The following CIT variants were observed in gnomAD, a reference collection of about 807,000 sequenced individuals.
The protein encoded by CIT is citron rho-interacting serine/threonine kinase, also known as citron Rho-interacting kinase.
CIT carries 79 observed loss-of-function variants against 272.7 expected under a neutral mutation model. The ratio of observed to expected loss-of-function variants is 0.29; its 90% CI spans 0.24 to 0.35. The LOEUF (loss-of-function observed/expected upper bound fraction) is 0.35, where lower values mean the gene tolerates loss of function less well. Among genes scored for constraint, CIT ranks in the 10% least tolerant of loss-of-function variants. CIT has a pLI of 1.00. For missense variants in CIT, 1,909 were observed against 2,618.3 expected (o/e 0.73, Z 5.91); for synonymous variants, 948 against 995.6 (o/e 0.95, Z 0.90).
intron 23 of CIT, among the ~76,000 whole-genome samples, chr12:119,747,935 A>G (rs1959683269): frequency 6.6e-6 from 1 of 152,172 alleles, no homozygotes; most frequent in African/African-American, 2.4e-5. Context: ...AGACCAAGGC[A>G]GGCGAATTGC....
intron 4 of CIT, among the ~76,000 whole-genome samples, chr12:119,854,608 CT>C (rs1970458503): frequency 6.6e-6 from 1 of 151,926 alleles, no homozygotes; most frequent in South Asian, 2.1e-4. Context: ...GGCCACTGAA[CT>C]CCAGCGGACT....
intron 9 of CIT, among the ~76,000 whole-genome samples, chr12:119,815,423 T>G (rs1219720167): frequency 6.6e-6 from 1 of 152,020 alleles, no homozygotes. Flanking sequence ...ATTACTGAAT[T>G]TGGCCAGGTG....
rs771422425 is a variant in CIT at position 119,760,285 on chromosome 12, CT to C, written c.2421+653del. ...GGTAAACCTTAGGGGCAACAAGTTT[CT>C]GAAACAACTGCCTATGTGGATTAGA... is the stretch of plus-strand genomic sequence containing the variant. On this transcript the variant is annotated intron_variant, in intron 20 of 47. Coordinates refer to ENST00000392521, the MANE Select transcript of CIT (RefSeq NM_001206999.2). 7.9e-4 allele frequency among the ~76,000 whole-genome samples: 119 copies of C among 151,300 alleles called. 1 individual carries two copies. The highest frequency in any genetic ancestry group is 2.4e-4 in the Non-Finnish European group (16 of 67,914).
Position 119,752,227 on chromosome 12 carries a change from C to T in CIT, c.2727G>A (p.Glu909=). The T allele has an allele frequency of 6.2e-7, 1 of 1,608,422 alleles. No homozygotes were observed. The highest frequency in any genetic ancestry group is 1.7e-5 in the Admixed American group (1 of 59,978). ...RLREVSLEHE[E]QKLELKRQLT... Reference sequence around the variant, plus strand: ...GCTGGCGCTTGAGCTCCAGTTTCTGCTCCTCGTGCTCTAGACTGACCTGAG... The same window carrying T: ...GCTGGCGCTTGAGCTCCAGTTTCTGTTCCTCGTGCTCTAGACTGACCTGAG... Residue 909 remains glutamate (E), a synonymous_variant, in exon 23 of 48, where the codon GAG becomes GAA. Transcript: ENST00000392521.
chr12:119,802,597 G>T (rs1760084574), intron 10 of CIT, among the ~76,000 whole-genome samples: 1 of 152,042 alleles, frequency 6.6e-6, no homozygotes, highest in Admixed American at 6.6e-5. Flanking sequence ...CAGTAACGGG[G>T]CTTTCTCTGG....
At chr12:119,782,673 T>C (rs1159445700) in intron 12 of CIT, 36 bp from the exon 13 acceptor site, 1 of 1,610,828 alleles carries the variant, frequency 6.2e-7, no homozygotes, top group Admixed American at 1.7e-5. Context: ...GGATGCCCTG[T>C]GGATCCTGCT....
At chr12:119,782,411 T>C (rs1964381958) in intron 13 of CIT, 107 bp downstream of exon 13, 1 of 1,341,624 alleles carries the variant, frequency 7.5e-7, no homozygotes, top group African/African-American at 1.4e-5. Flanking sequence ...GCCCCCACCC[T>C]TTCTCTCTCT....
Position 119,770,927 on chromosome 12 carries a change from A to C in CIT, c.2083-17T>G. 6.2e-7 allele frequency: 1 copy of C among 1,612,410 alleles called. No individual in the cohort carries two copies. Among genetic ancestry groups the C allele is most frequent in the Non-Finnish European group, 8.5e-7 (1 of 1,179,758 alleles). On this transcript the variant is annotated splice_polypyrimidine_tract_variant and intron_variant, in intron 17 of 47. Transcript: ENST00000392521. This position sits in a 1 kb window ranked among gnomAD's most constrained non-coding sequence, Gnocchi z 4.4. ...GCGGCGTTCCTGTAGATCATGAATC[A>C]ATCAGAGAGTTTTAATGGAGTAACC...
chr12:119,781,272 T>C (rs1964264690), intron 13 of CIT, among the ~76,000 whole-genome samples: 1 of 152,260 alleles, frequency 6.6e-6, no homozygotes, highest in African/African-American at 2.4e-5. Flanking sequence ...TTATTTATAA[T>C]GTTTTTATCA....
In CIT at chr12:119,712,956, G is replaced by T. The variant is rs1442261401; in HGVS notation, c.4579+247C>A. 1.7e-6 allele frequency: 1 copy of T among 582,408 alleles called. No homozygotes were observed. The highest frequency in any genetic ancestry group is 1.9e-5 in the African/African-American group (1 of 53,670). 36.1% of individuals were successfully genotyped at this position (582,408 alleles called of 1,614,324 possible). On this transcript the variant is annotated intron_variant, in intron 35 of 47. Coordinates refer to ENST00000392521, the MANE Select transcript of CIT (RefSeq NM_001206999.2). This position sits in a 1 kb window ranked among gnomAD's most constrained non-coding sequence, Gnocchi z 5.2. ...TATGGGTTAGTTGACTGAGGCAGAA[G>T]TTCTCGGAAGGTGTATTAGCAGGTG...
Position 119,718,226 on chromosome 12 carries a change from C to T in CIT, c.4168+19G>A. On this transcript the variant is annotated intron_variant, in intron 32 of 47. Transcript: ENST00000392521. The surrounding 1 kb of genome is among the most constrained non-coding windows in gnomAD (Gnocchi z 4.8). ...TGTCTTAGTCGACTAAAAGAAATTT[C>T]CATACAACTCCAACGTACCCTCTGG... 6.3e-7 allele frequency: 1 copy of T among 1,589,528 alleles called. No individual in the cohort carries two copies. Among genetic ancestry groups the T allele is most frequent in the Non-Finnish European group, 8.6e-7 (1 of 1,166,114 alleles).
Position 119,822,974 on chromosome 12 carries a change from C to T in CIT, c.958-1G>A. 1.3e-6 allele frequency: 2 copies of T among 1,599,404 alleles called. No individual in the cohort carries two copies. Among genetic ancestry groups the T allele is most frequent in the Admixed American group, 3.6e-5 (2 of 55,802 alleles). ...GGTCATCTGGAAATTTCAAAAACCGCTGTTCCAAAAAAAATAAGAGAATTA... is the reference window on the plus strand; with the variant it reads ...GGTCATCTGGAAATTTCAAAAACCGTTGTTCCAAAAAAAATAAGAGAATTA... On this transcript the variant is annotated splice_acceptor_variant, in intron 8 of 47. Transcript: ENST00000392521. LOFTEE classifies it high-confidence loss of function.
At chr12:119,808,742 C>T (rs1451138725) in intron 9 of CIT, among the ~76,000 whole-genome samples, 3 of 152,188 alleles carry the variant, frequency 2.0e-5, no homozygotes, top group Non-Finnish European at 4.4e-5. Context: ...TTCGTTCTCT[C>T]TACCATGATG....
chr12:119,775,610 G>C (rs1016519833), intron 16 of CIT, among the ~76,000 whole-genome samples, 176 bp downstream of exon 16: 2 of 152,192 alleles, frequency 1.3e-5, no homozygotes, highest in Non-Finnish European at 2.9e-5. Flanking sequence ...GTCTCAAAAG[G>C]AAAAACTATA....
Position 119,820,595 on chromosome 12 carries a change from T to A in CIT, c.1111+2225A>T, listed in dbSNP as rs556223163. ...AAAAAGAGTTAACGTTGGGGAAAAC[T>A]GGGTGAAGGGTATGTGGGAACTCTT... On this transcript the variant is annotated intron_variant, in intron 9 of 47. Coordinates refer to ENST00000392521, the MANE Select transcript of CIT (RefSeq NM_001206999.2). Among the ~76,000 whole-genome samples the A allele has an allele frequency of 9.2e-5, 14 of 152,070 alleles. No individual in the cohort carries two copies. In the South Asian group the frequency reaches 2.7e-3, roughly 29 times the overall value.
intron 24 of CIT, among the ~76,000 whole-genome samples, chr12:119,741,910 A>T (rs1367588390): frequency 6.6e-6 from 1 of 152,168 alleles, no homozygotes; most frequent in Non-Finnish European, 1.5e-5. Flanking sequence ...CTAGATTTTG[A>T]ATTTGCATGT....
In CIT at chr12:119,744,722, A is replaced by AG. The variant is rs1201487203; in HGVS notation, c.2905-2259_2905-2258insC. Among the ~76,000 whole-genome samples the AG allele has an allele frequency of 1.9e-3, 281 of 151,472 alleles. 2 individuals carry two copies. The highest frequency in any genetic ancestry group is 5.1e-3 in the Admixed American group (77 of 15,204). On this transcript the variant is annotated intron_variant, in intron 23 of 47. Coordinates refer to ENST00000392521, the MANE Select transcript of CIT (RefSeq NM_001206999.2). ...AGGGCGAGACTCCGCCTCAAAAAAAAAAAAAAAAAAAAGTCTATAAGATAA... is the reference window on the plus strand; with the variant it reads ...AGGGCGAGACTCCGCCTCAAAAAAAAGAAAAAAAAAAAAGTCTATAAGATAA...
At position 119,697,654 on chromosome 12, in the gene CIT, G is replaced by A; in HGVS notation, c.5882+5C>T. The A allele has an allele frequency of 1.9e-6, 3 of 1,613,176 alleles. No individual in the cohort carries two copies. Among genetic ancestry groups the A allele is most frequent in the Non-Finnish European group, 2.5e-6 (3 of 1,179,558 alleles). Reference sequence around the variant, plus strand: ...TGGTACTGAGGAAGAGGAGAAGCTGGTTACCTGCGGGAGGTGGACGGGCCC... The same window carrying A: ...TGGTACTGAGGAAGAGGAGAAGCTGATTACCTGCGGGAGGTGGACGGGCCC... On this transcript the variant is annotated splice_donor_5th_base_variant and intron_variant, in intron 46 of 47. Transcript: ENST00000392521. This position sits in a 1 kb window ranked among gnomAD's most constrained non-coding sequence, Gnocchi z 4.9.
chr12:119,734,275 T>C lies in CIT; in HGVS notation c.3239A>G (p.Glu1080Gly). The C allele has an allele frequency of 6.2e-7, 1 of 1,613,976 alleles. No homozygotes were observed. The highest frequency in any genetic ancestry group is 1.1e-5 in the South Asian group (1 of 91,064). Residue 1080 changes from glutamate to glycine, a missense_variant, in exon 26 of 48, where the codon GAA (glutamate) becomes GGA (glycine). Transcript: ENST00000392521. ...CCAGGCCTCCCACTGCCGCTCTTTT[T>C]CTAGCAGCTCATCGTTTAGGGCCTC... Reference protein sequence around the residue: ...DLEALNDELLEKERQWEAWRS... With the variant: ...DLEALNDELLGKERQWEAWRS...
Sources: gnomAD v4.1 joint callset for allele counts (sites outside exome capture counted in the v4.1 genomes callset) on GRCh38, gnomAD v4.1.1 for gene constraint, Gnocchi (gnomAD v3.1) non-coding constraint, MANE v1.5 for transcripts, NCBI Gene and HGNC (gene_info 2026-07-23, HGNC 2026-07-21) for gene names.